The following DENND1B variants were observed in gnomAD, a reference collection of about 807,000 sequenced individuals.
DENND1B encodes DENN domain-containing protein 1B.
Under a neutral mutation model 90.1 loss-of-function variants are expected in DENND1B, and 59 were observed. That is an observed-to-expected ratio of 0.65 (90% confidence interval 0.53 to 0.81). DENND1B has a LOEUF of 0.81. Among genes scored for constraint, DENND1B ranks in the 40% least tolerant of loss-of-function variants. DENND1B has a pLI of 0.00. For synonymous variants in DENND1B, 337 were observed against 324.6 expected, an observed-to-expected ratio of 1.04 and a Z score of -0.41; for missense variants, 862 against 912.6, an observed-to-expected ratio of 0.94 and a Z score of 0.71.
chr1:197,621,354 T>G lies in DENND1B; in HGVS notation c.673-3595A>C, dbSNP rs577418048. ...GACATGGCAAAGACTCTAAATATTA[T>G]TCTGGATGACATTTTTACATACCTC... On this transcript the variant is annotated intron_variant, in intron 10 of 22. Transcript: ENST00000620048. 6.0e-5 allele frequency among the ~76,000 whole-genome samples: 9 copies of G among 151,036 alleles called. No homozygotes were observed. The South Asian group carries it at 1.9e-3, about 31-fold the overall frequency.
chr1:197,595,979 A>G (rs1675649581), intron 13 of DENND1B, among the ~76,000 whole-genome samples: 1 of 152,068 alleles, frequency 6.6e-6, no homozygotes, highest in Non-Finnish European at 1.5e-5. Context: ...AGAGGAACAA[A>G]GATGTGAATT....
At chr1:197,679,898 C>T (rs1656498001) in intron 3 of DENND1B, among the ~76,000 whole-genome samples, 4 of 150,050 alleles carry the variant, frequency 2.7e-5, no homozygotes, top group Non-Finnish European at 5.9e-5. Context: ...ACCTGTAATC[C>T]CAGCACTTTA....
intron 13 of DENND1B, among the ~76,000 whole-genome samples, chr1:197,595,672 G>C (rs983244276): frequency 6.6e-6 from 1 of 152,044 alleles, no homozygotes; most frequent in Non-Finnish European, 1.5e-5. Context: ...CTTGTTTTGA[G>C]ATGAAGCAGG....
chr1:197,548,380 G>C (rs1670971835), intron 16 of DENND1B, among the ~76,000 whole-genome samples: 2 of 152,106 alleles, frequency 1.3e-5, no homozygotes, highest in Admixed American at 1.3e-4. Flanking sequence ...TTTGGGATGA[G>C]GTCCTTAACT....
At position 197,775,260 on chromosome 1, in the gene DENND1B, C is replaced by A. The variant is rs1478054206; in HGVS notation, c.-105G>T. 3 of 966,074 alleles carry A rather than the reference C, an allele frequency of 3.1e-6. No homozygotes were observed. The highest frequency in any genetic ancestry group is 4.5e-5 in the Admixed American group (1 of 22,064). 59.8% of individuals were successfully genotyped at this position (966,074 alleles called of 1,614,324 possible). A position where few individuals can be genotyped will look rare whatever the true frequency, so the allele number is the denominator to read the frequency against. On this transcript the variant is annotated 5_prime_UTR_variant, in exon 1 of 23. Coordinates refer to ENST00000620048, the MANE Select transcript of DENND1B (RefSeq NM_001195215.2). Reference sequence around the variant, plus strand: ...GCGCCGTCCCCGCCCACGCCGGCGGCCACACAGGGAAAGAGGCTGCTCACA... The same window carrying A: ...GCGCCGTCCCCGCCCACGCCGGCGGACACACAGGGAAAGAGGCTGCTCACA...
chr1:197,621,976 C>T (rs1678211848), intron 10 of DENND1B, among the ~76,000 whole-genome samples: 1 of 151,194 alleles, frequency 6.6e-6, no homozygotes, highest in African/African-American at 2.4e-5. Flanking sequence ...AAAATAGAAA[C>T]ATTGGTAATA....
chr1:197,611,351 T>C (rs545032803), intron 12 of DENND1B, among the ~76,000 whole-genome samples: 3 of 150,888 alleles, frequency 2.0e-5, no homozygotes, highest in African/African-American at 7.3e-5. Flanking sequence ...TCTTTCACTA[T>C]AGGAATAACT....
chr1:197,540,987 T>G lies in DENND1B; in HGVS notation c.1379A>C (p.Lys460Thr). Residue 460 changes from lysine to threonine, a missense_variant, in exon 19 of 23, where the codon AAG becomes ACG. Physicochemically the swap from Lys to Thr is moderately conservative, Grantham distance 78 (BLOSUM62 -1). Transcript: ENST00000620048. ...FAKNHAKLGL[K>T]EVKSKLKHKE... is the part of the protein sequence containing the mutation. ...GTGTTTTAGTTTACTCTTCACTTCC[T>G]TTAGTCCCAGCTTTGCATGATTTTT... 2 of 1,612,854 alleles carry G rather than the reference T, an allele frequency of 1.2e-6. No individual in the cohort carries two copies. Among genetic ancestry groups the G allele is most frequent in the Non-Finnish European group, 1.7e-6 (2 of 1,179,312 alleles).
At chr1:197,538,283 A>C (rs1370619580) in intron 20 of DENND1B, among the ~76,000 whole-genome samples, 2 of 152,180 alleles carry the variant, frequency 1.3e-5, no homozygotes, top group South Asian at 2.1e-4. Context: ...AAAACAGACA[A>C]GAATTGAACA....
chr1:197,747,304 G>A (rs974789137), intron 2 of DENND1B: 23 of 594,780 alleles, frequency 3.9e-5, no homozygotes, highest in Admixed American at 9.5e-5. Context: ...TTCATCTATC[G>A]AGAATCTATG....
intron 16 of DENND1B, among the ~76,000 whole-genome samples, chr1:197,550,638 A>T (rs1671152466): frequency 7.1e-6 from 1 of 140,476 alleles, no homozygotes; most frequent in African/African-American, 2.7e-5. Flanking sequence ...CAGGAAGGGG[A>T]ACATCACACA....
chr1:197,590,703 G>T (rs1400915203), intron 14 of DENND1B, among the ~76,000 whole-genome samples: 1 of 152,070 alleles, frequency 6.6e-6, no homozygotes, highest in Non-Finnish European at 1.5e-5. Flanking sequence ...TATCTGTATA[G>T]GGATATGCAA....
At chr1:197,659,722 T>C (rs1188454029) in intron 5 of DENND1B, among the ~76,000 whole-genome samples, 2 of 151,902 alleles carry the variant, frequency 1.3e-5, no homozygotes, top group African/African-American at 4.8e-5. Flanking sequence ...TAAATGCCAT[T>C]AGAAAGGAAA....
At chr1:197,549,049 A>C (rs1167272876) in intron 16 of DENND1B, among the ~76,000 whole-genome samples, 1 of 152,142 alleles carries the variant, frequency 6.6e-6, no homozygotes, top group Non-Finnish European at 1.5e-5. Flanking sequence ...GTTATTCTAA[A>C]AATTAATTTG....
chr1:197,670,812 C>T (rs59297552), intron 5 of DENND1B, among the ~76,000 whole-genome samples: 7,342 of 152,046 alleles, frequency 0.048, 611 homozygotes, highest in African/African-American at 0.17. Context: ...TCATCTCCAA[C>T]CCCACTGCCC....
Position 197,595,289 on chromosome 1 carries a change from C to G in DENND1B, c.966G>C (p.Thr322=). Residue 322 remains threonine (T), a synonymous_variant, in exon 14 of 23, where the codon ACG becomes ACC. Transcript: ENST00000620048. The part of the protein sequence containing the change: ...KNKLKKQSTA[T]GDGVARAFLR... ...GAAAGGCCCTAGCTACTCCATCACC[C>G]GTAGCTGTAGACTGCTTCTTCAGTT... 1 of 1,613,210 alleles carries G rather than the reference C, an allele frequency of 6.2e-7. No homozygotes were observed. Among genetic ancestry groups the G allele is most frequent in the Non-Finnish European group, 8.5e-7 (1 of 1,179,340 alleles).
chr1:197,781,744 T>C, the DENND1B span, among the ~76,000 whole-genome samples: 1 of 152,218 alleles, frequency 6.6e-6, no homozygotes, highest in African/African-American at 2.4e-5. Flanking sequence ...TCCAGTTTAA[T>C]AAAAATGTTG....
Position 197,540,026 on chromosome 1 carries a change from T to C in DENND1B, c.1453A>G (p.Thr485Ala), listed in dbSNP as rs770524651. The C allele has an allele frequency of 2.0e-5, 32 of 1,613,320 alleles. No individual in the cohort carries two copies. The highest frequency in any genetic ancestry group is 2.7e-5 in the African/African-American group (2 of 74,912). ...YGTCSSSVQY[T>A]PVYKLHNEKG... is the part of the protein sequence containing the mutation. ...TCATTGTGTAATTTGTAAACTGGTG[T>C]ATATTGTACAGAACTAGAACAGGTC... Residue 485 changes from threonine to alanine, a missense_variant, in exon 20 of 23, where the codon ACA (threonine) becomes GCA (alanine). By Grantham distance (58) the Thr-to-Ala change is moderately conservative. Coordinates refer to ENST00000620048, the MANE Select transcript of DENND1B (RefSeq NM_001195215.2).
chr1:197,617,843 A>G (rs1467559976), intron 10 of DENND1B, 84 bp from the exon 11 acceptor site: 8 of 867,180 alleles, frequency 9.2e-6, no homozygotes, highest in Non-Finnish European at 1.3e-5. Context: ...AACAATGAAC[A>G]GTAATCACAG....
Sources: allele counts gnomAD v4.1 joint callset (sites outside exome capture counted in the v4.1 genomes callset), GRCh38; gene constraint gnomAD v4.1.1; transcripts MANE v1.5; gene names NCBI Gene and HGNC (gene_info 2026-07-23, HGNC 2026-07-21).